The following NME7 variants were observed in gnomAD, a reference collection of about 807,000 sequenced individuals.
The protein encoded by NME7 is nucleoside diphosphate kinase 7.
NME7 carries 41 observed loss-of-function variants against 49.1 expected under a neutral mutation model. The ratio of observed to expected loss-of-function variants is 0.83; its 90% CI spans 0.65 to 1.08. NME7 has a LOEUF of 1.08. Ranked by LOEUF, NME7 falls within the 50% of genes least tolerant of loss-of-function variation. NME7 has a pLI of 0.00. For synonymous variants in NME7, 139 were observed against 150.6 expected, an observed-to-expected ratio of 0.92 and a Z score of 0.56; for missense variants, 423 against 463.4, an observed-to-expected ratio of 0.91 and a Z score of 0.80.
chr1:169,251,711 TC>T (rs1449785468), intron 7 of NME7, among the ~76,000 whole-genome samples: 1 of 72,304 alleles, frequency 1.4e-5, no homozygotes, highest in Non-Finnish European at 2.5e-5. Flanking sequence ...CCCTCCCCCC[TC>T]CCCCCACCCC....
intron 11 of NME7, among the ~76,000 whole-genome samples, chr1:169,140,252 T>G (rs977986667): frequency 1.3e-5 from 2 of 152,162 alleles, no homozygotes; most frequent in African/African-American, 4.8e-5. Flanking sequence ...AGTCTGAAAT[T>G]ATTTCAAAAT....
At chr1:169,288,282 G>T (rs1252445311) in intron 6 of NME7, among the ~76,000 whole-genome samples, 3 of 152,052 alleles carry the variant, frequency 2.0e-5, no homozygotes, top group Non-Finnish European at 4.4e-5. Context: ...AGGACCCCTA[G>T]CACCTAAAAC....
At chr1:169,214,213 T>C (rs1660911460) in intron 10 of NME7, among the ~76,000 whole-genome samples, 1 of 152,220 alleles carries the variant, frequency 6.6e-6, no homozygotes, top group African/African-American at 2.4e-5. Flanking sequence ...GGAGCTTATA[T>C]CATGGATTAA....
At chr1:169,330,551 C>A (rs756762217) in intron 1 of NME7, among the ~76,000 whole-genome samples, 1 of 152,018 alleles carries the variant, frequency 6.6e-6, no homozygotes, top group Admixed American at 6.6e-5. Flanking sequence ...TGGTGGCAGG[C>A]GCCTGTAGTC....
intron 10 of NME7, among the ~76,000 whole-genome samples, chr1:169,208,085 G>C (rs1388818409): frequency 1.3e-5 from 2 of 152,074 alleles, no homozygotes; most frequent in Non-Finnish European, 2.9e-5. Flanking sequence ...CATTTGACAT[G>C]TTCTAGAGTC....
chr1:169,343,933 C>T (rs564896383), intron 1 of NME7, among the ~76,000 whole-genome samples: 6 of 152,256 alleles, frequency 3.9e-5, no homozygotes, highest in South Asian at 2.1e-4. Context: ...AGGATCAGCT[C>T]GTCAATTTCT....
At chr1:169,250,151 T>G (rs1236679618) in intron 7 of NME7, among the ~76,000 whole-genome samples, 1 of 152,034 alleles carries the variant, frequency 6.6e-6, no homozygotes, top group Non-Finnish European at 1.5e-5. Context: ...TCAATCGCAC[T>G]GCTTGTTCTT....
At chr1:169,343,125 G>C (rs1050165299) in intron 1 of NME7, among the ~76,000 whole-genome samples, 2 of 150,464 alleles carry the variant, frequency 1.3e-5, no homozygotes, top group Admixed American at 1.3e-4. Flanking sequence ...TGTTGGGGAG[G>C]GAATGGCAAC....
At position 169,168,845 on chromosome 1, in the gene NME7, A is replaced by G. The variant is rs1333551701; in HGVS notation, c.1098+602T>C. Reference sequence around the variant, plus strand: ...TCTATTTTTTTGATATTTCTAGGCTACAAAGTTCACCCAAGAGTTTTTTCA... The same window carrying G: ...TCTATTTTTTTGATATTTCTAGGCTGCAAAGTTCACCCAAGAGTTTTTTCA... On this transcript the variant is annotated intron_variant, in intron 11 of 11. Coordinates refer to ENST00000367811, the MANE Select transcript of NME7 (RefSeq NM_013330.5). 8 of 456,180 alleles carry G rather than the reference A, an allele frequency of 1.8e-5. No individual in the cohort carries two copies. The Admixed American group carries it at 1.9e-4, about 11-fold the overall frequency. The allele number at this position is 456,180 out of a possible 1,614,324, so 28.3% of individuals were successfully genotyped here. A position where few individuals can be genotyped will look rare whatever the true frequency, so the allele number is the denominator to read the frequency against.
At chr1:169,239,915 T>C (rs967329395) in intron 7 of NME7, among the ~76,000 whole-genome samples, 4 of 152,028 alleles carry the variant, frequency 2.6e-5, no homozygotes, top group Admixed American at 6.6e-5. Context: ...GAAGCCATGA[T>C]AGAAGGACTT....
At chr1:169,138,163 T>C (rs970128237) in intron 11 of NME7, among the ~76,000 whole-genome samples, 5 of 151,772 alleles carry the variant, frequency 3.3e-5, no homozygotes, top group African/African-American at 7.3e-5. Context: ...ATACAAAAAT[T>C]AGCTGTGCGT....
chr1:169,135,014 C>CAAAAAAAAAAAAAAAAAAAAAAAAAAAA (rs58463903), intron 11 of NME7, among the ~76,000 whole-genome samples: 1 of 50,388 alleles, frequency 2.0e-5, no homozygotes, highest in African/African-American at 7.3e-5. Flanking sequence ...CCCGTCTCTA[C>CAAAAAAAAAAAAAAAAAAAAAAAAAAAA]AAAAAAAAAA....
chr1:169,278,083 T>A (rs1649820898), intron 7 of NME7, among the ~76,000 whole-genome samples: 1 of 151,518 alleles, frequency 6.6e-6, no homozygotes, highest in East Asian at 2.0e-4. Context: ...CTTCCCTTTG[T>A]GGGTAACCCG....
rs1302285259 is a variant in NME7, at chr1:169,287,291, T to C, written c.754+12A>G. On this transcript the variant is annotated intron_variant, in intron 7 of 11. Coordinates refer to ENST00000367811, the MANE Select transcript of NME7 (RefSeq NM_013330.5). ...TTAACAAAATGTACTGAATATAGTG[T>C]ATTCAACATACCTTCACTGACAGCA... 3 of 1,565,386 alleles carry C rather than the reference T, an allele frequency of 1.9e-6. No homozygotes were observed. The highest frequency in any genetic ancestry group is 2.6e-6 in the Non-Finnish European group (3 of 1,136,682).
intron 7 of NME7, among the ~76,000 whole-genome samples, chr1:169,242,128 T>C (rs1648114855): frequency 6.6e-6 from 1 of 151,884 alleles, no homozygotes; most frequent in East Asian, 1.9e-4. Context: ...ATTTTAGAAA[T>C]TTTATAATTT....
intron 10 of NME7, among the ~76,000 whole-genome samples, chr1:169,200,304 A>G (rs978290042): frequency 6.6e-6 from 1 of 152,128 alleles, no homozygotes; most frequent in Non-Finnish European, 1.5e-5. Context: ...ATTTCCAAGA[A>G]GATATCTTCC....
At chr1:169,343,703 C>T (rs577381043) in intron 1 of NME7, among the ~76,000 whole-genome samples, 23 of 152,162 alleles carry the variant, frequency 1.5e-4, no homozygotes, top group African/African-American at 4.3e-4. Flanking sequence ...CCATGTTGGC[C>T]GGGCTGGTCT....
rs529072151 is a variant in NME7 at position 169,161,990 on chromosome 1, C to A, written c.1098+7457G>T. On this transcript the variant is annotated intron_variant, in intron 11 of 11. Coordinates refer to ENST00000367811, the MANE Select transcript of NME7 (RefSeq NM_013330.5). ...TTTTTTAGATATGCATTCCGGCAAC[C>A]GATGGACCTCACCTTGACCCTGACT... 8.5e-5 allele frequency among the ~76,000 whole-genome samples: 13 copies of A among 152,090 alleles called. No homozygotes were observed. In the East Asian group the frequency reaches 2.5e-3, roughly 29 times the overall value.
At chr1:169,169,165 A>G (rs1184954958) in intron 11 of NME7, 3 of 408,534 alleles carry the variant, frequency 7.3e-6, no homozygotes, top group Non-Finnish European at 1.4e-5. Flanking sequence ...GCCAAGTAAC[A>G]GAGTCATCCA....
Sources: allele counts gnomAD v4.1 joint callset (sites outside exome capture counted in the v4.1 genomes callset), GRCh38; gene constraint gnomAD v4.1.1; transcripts MANE v1.5; gene names NCBI Gene and HGNC (gene_info 2026-07-23, HGNC 2026-07-21).